GSDMC: variants seen among roughly 807,000 people sequenced by gnomAD.
GSDMC encodes gasdermin C.
A neutral mutation model predicts 58.0 loss-of-function variants in GSDMC; 59 were observed. The observed-to-expected ratio is 1.02, with a 90% CI of 0.82 to 1.26. GSDMC has a LOEUF of 1.26. Ranked by LOEUF, GSDMC falls within the 50% of genes most tolerant of loss-of-function variation. The pLI is 0.00. For missense variants in GSDMC, 659 were observed against 598.5 expected (o/e 1.10, Z -1.06); for synonymous variants, 241 against 220.2 (o/e 1.09, Z -0.83).
At chr8:129,717,685 G>A in the GSDMC span, among the ~76,000 whole-genome samples, 1 of 152,088 alleles carries the variant, frequency 6.6e-6, no homozygotes, top group Admixed American at 6.5e-5. Flanking sequence ...AATTTCATAT[G>A]GAACCAAAAA....
At chr8:129,755,992 C>T (rs1030666015) in intron 6 of GSDMC, among the ~76,000 whole-genome samples, 3 of 151,588 alleles carry the variant, frequency 2.0e-5, no homozygotes, top group East Asian at 1.9e-4. Context: ...GATTAAATCC[C>T]TATTTATCAA....
At chr8:129,771,331 A>G (rs1013836436) in intron 3 of GSDMC, among the ~76,000 whole-genome samples, 1 of 152,158 alleles carries the variant, frequency 6.6e-6, no homozygotes. Context: ...CCTAACAGAC[A>G]TATACAGAAC....
downstream of GSDMC, among the ~76,000 whole-genome samples, chr8:129,746,374 A>G (rs1296061808): frequency 6.6e-6 from 1 of 152,238 alleles, no homozygotes. Context: ...AGTTATAGAC[A>G]TAGAGGAAAG....
At chr8:129,728,058 A>T in the GSDMC span, among the ~76,000 whole-genome samples, 1 of 152,072 alleles carries the variant, frequency 6.6e-6, no homozygotes, top group African/African-American at 2.4e-5. Flanking sequence ...CGGGACCAGC[A>T]GCCTAAGCTG....
intron 1 of GSDMC, among the ~76,000 whole-genome samples, chr8:129,783,914 A>T (rs1289418849): frequency 6.6e-6 from 1 of 152,150 alleles, no homozygotes; most frequent in Non-Finnish European, 1.5e-5. Context: ...AAGGAAAAAA[A>T]TCGAGAACCC....
the GSDMC span, chr8:129,729,784 G>A: frequency 1.6e-6 from 1 of 612,888 alleles, no homozygotes; most frequent in Non-Finnish European, 2.9e-6. Context: ...TGAGGCACAT[G>A]AAATTTGAAG....
chr8:129,767,537 A>G (rs546866116), intron 3 of GSDMC, among the ~76,000 whole-genome samples: 1 of 116,444 alleles, frequency 8.6e-6, no homozygotes, highest in Admixed American at 8.8e-5. Flanking sequence ...ACAGAGCTAC[A>G]CATGTGGGCT....
chr8:129,747,417 A>G (rs958909855), downstream of GSDMC, among the ~76,000 whole-genome samples: 1 of 152,234 alleles, frequency 6.6e-6, no homozygotes, highest in African/African-American at 2.4e-5. Flanking sequence ...TTAGCAGAAA[A>G]AAAGTAAACA....
In GSDMC at chr8:129,786,321, CA is replaced by C. The variant is rs747387114; in HGVS notation, c.-316del. The C allele has an allele frequency of 8.0e-3, 1,046 of 131,520 alleles. 6 individuals carry two copies. Among genetic ancestry groups the C allele is most frequent in the African/African-American group, 0.017 (614 of 36,002 alleles). The allele number at this position is 131,520 out of a possible 1,614,324, so 8.1% of individuals were successfully genotyped here. On this transcript the variant is annotated 5_prime_UTR_variant, in exon 1 of 14. Transcript: ENST00000276708. ...CACTCCAGCCTGGGCAACTCCGTCTCAAAAAAAAAAAAAAGAGAGAAAAATA... is the reference window on the plus strand; with the variant it reads ...CACTCCAGCCTGGGCAACTCCGTCTCAAAAAAAAAAAAAGAGAGAAAAATA...
the GSDMC span, among the ~76,000 whole-genome samples, chr8:129,739,557 G>A: frequency 6.6e-6 from 1 of 152,098 alleles, no homozygotes; most frequent in African/African-American, 2.4e-5. Flanking sequence ...CACGTATGAC[G>A]GTGGTCCCAT....
the GSDMC span, among the ~76,000 whole-genome samples, chr8:129,718,168 A>G: frequency 2.0e-5 from 3 of 152,328 alleles, no homozygotes; most frequent in South Asian, 6.2e-4. Context: ...GCCAAAATTG[A>G]CAAATAGGAT....
intron 5 of GSDMC, among the ~76,000 whole-genome samples, chr8:129,761,878 G>A (rs578007617): frequency 1.3e-5 from 2 of 152,294 alleles, no homozygotes; most frequent in East Asian, 3.9e-4. Context: ...GGACACTCCC[G>A]TGACCATGTT....
At chr8:129,744,317 T>C (rs2032921367), downstream of GSDMC, among the ~76,000 whole-genome samples, 1 of 152,216 alleles carries the variant, frequency 6.6e-6, no homozygotes, top group East Asian at 1.9e-4. Flanking sequence ...GAGAGCAGAT[T>C]CACTAAAAGC....
chr8:129,771,423 C>T (rs2034046229), intron 3 of GSDMC, among the ~76,000 whole-genome samples: 1 of 152,154 alleles, frequency 6.6e-6, no homozygotes, highest in Non-Finnish European at 1.5e-5. Context: ...TGTTAGGCCA[C>T]AAAACAAGTC....
chr8:129,773,009 C>A (rs1047029953), intron 3 of GSDMC, among the ~76,000 whole-genome samples: 2 of 152,096 alleles, frequency 1.3e-5, no homozygotes, highest in African/African-American at 4.8e-5. Flanking sequence ...TAATCGAGGA[C>A]AAAAACCATA....
At chr8:129,741,529 A>G in the GSDMC span, among the ~76,000 whole-genome samples, 3 of 152,134 alleles carry the variant, frequency 2.0e-5, no homozygotes, top group Non-Finnish European at 2.9e-5. Context: ...TCAATGCTCA[A>G]TCATCAGGGA....
At chr8:129,777,342 C>T (rs1477041365) in intron 2 of GSDMC, 26 bp downstream of exon 2, 5 of 1,420,912 alleles carry the variant, frequency 3.5e-6, no homozygotes, top group Admixed American at 1.7e-5. Context: ...TCACCCCTCA[C>T]CTCCTTGGCC....
In GSDMC at chr8:129,765,724, C is replaced by T. The variant is rs1363173276; in HGVS notation, c.474G>A (p.Val158=). ...TGTTGATCAGTTCAACAGCCTCTGTCACCACGTACAGGTTGTCCCCTCTCC... is the reference window on the plus strand; with the variant it reads ...TGTTGATCAGTTCAACAGCCTCTGTTACCACGTACAGGTTGTCCCCTCTCC... ...CRRRGDNLYV[V]TEAVELINNT... Residue 158 remains valine, a synonymous_variant, in exon 4 of 14, where the codon GTG becomes GTA. Coordinates refer to ENST00000276708, the MANE Select transcript of GSDMC (RefSeq NM_031415.3). 1.2e-6 allele frequency: 2 copies of T among 1,612,876 alleles called. No individual in the cohort carries two copies. The highest frequency in any genetic ancestry group is 4.5e-5 in the East Asian group (2 of 44,878).
intron 3 of GSDMC, 97 bp from the exon 4 acceptor site, chr8:129,765,890 G>A (rs1287975235): frequency 3.2e-6 from 3 of 950,134 alleles, no homozygotes; most frequent in Non-Finnish European, 4.7e-6. Flanking sequence ...TGGGAGGGGT[G>A]CAATGGCTTT....
Sources: gnomAD v4.1 joint callset for allele counts (sites outside exome capture counted in the v4.1 genomes callset) on GRCh38, gnomAD v4.1.1 for gene constraint, MANE v1.5 for transcripts, NCBI Gene and HGNC (gene_info 2026-07-23, HGNC 2026-07-21) for gene names.